The following USP25 variants were observed in gnomAD, a reference collection of about 807,000 sequenced individuals.
USP25 encodes the protein ubiquitin specific peptidase 25.
In USP25, 85 loss-of-function variants were observed where a neutral mutation model predicts 158.5. The observed-to-expected ratio is 0.54, with a 90% CI of 0.45 to 0.64. The LOEUF (loss-of-function observed/expected upper bound fraction) is 0.64, where lower values mean the gene tolerates loss of function less well. Ranked by LOEUF, USP25 falls within the 30% of genes least tolerant of loss-of-function variation. The probability of loss-of-function intolerance (pLI) is 0.00; values close to 1 mark genes in which losing one functional copy is unlikely to be tolerated. For missense variants in USP25, 1,242 were observed against 1,327.3 expected, an observed-to-expected ratio of 0.94 and a Z score of 1.00; for synonymous variants, 464 against 460.4, an observed-to-expected ratio of 1.01 and a Z score of -0.10.
chr21:15,730,474 T>A, intron 1 of USP25, 36 bp downstream of exon 1: 1 of 1,327,426 alleles, frequency 7.5e-7, no homozygotes, highest in Non-Finnish European at 9.7e-7. Flanking sequence ...GCCCCACTTC[T>A]CCTTCCGACG....
In USP25 at chr21:15,846,147, TATATA is replaced by T. The variant is rs1241782671; in HGVS notation, c.2338-1515_2338-1511del. ...GTATATATATATATATATATATATATATATATATATATTTTTTTTTTTTTTTTTTT... is the reference window on the plus strand; with the variant it reads ...GTATATATATATATATATATATATATTATATATTTTTTTTTTTTTTTTTTT... On this transcript the variant is annotated intron_variant, in intron 18 of 25. Transcript: ENST00000400183. Among the ~76,000 whole-genome samples, 84 of 69,384 alleles carry T rather than the reference TATATA, an allele frequency of 1.2e-3. 2 individuals carry two copies. The highest frequency in any genetic ancestry group is 6.3e-3 in the African/African-American group (77 of 12,278). The allele number at this position is 69,384 out of a possible 152,430, so 45.5% of individuals were successfully genotyped here. A position where few individuals can be genotyped will look rare whatever the true frequency, so the allele number is the denominator to read the frequency against.
chr21:15,824,868 G>T, intron 11 of USP25, 98 bp from the exon 12 acceptor site: 2 of 911,324 alleles, frequency 2.2e-6, no homozygotes, highest in Non-Finnish European at 3.4e-6. Flanking sequence ...CTCCCGCCTT[G>T]GCGTCCCAGA....
At chr21:15,850,219 A>C (rs1006367105) in intron 20 of USP25, among the ~76,000 whole-genome samples, 19 of 152,110 alleles carry the variant, frequency 1.2e-4, no homozygotes, top group South Asian at 8.3e-4. Context: ...GTAATAGTTT[A>C]TTTTATCTTC....
At chr21:15,859,475 G>A (rs548200508) in intron 20 of USP25, among the ~76,000 whole-genome samples, 14 of 152,198 alleles carry the variant, frequency 9.2e-5, no homozygotes, top group African/African-American at 2.2e-4. Flanking sequence ...GATTACAGGC[G>A]TGAGCCACTG....
intron 9 of USP25, among the ~76,000 whole-genome samples, chr21:15,814,521 A>G (rs2036837084): frequency 6.6e-6 from 1 of 152,156 alleles, no homozygotes; most frequent in Non-Finnish European, 1.5e-5. Flanking sequence ...AAATGCTGAT[A>G]GTGATATGAA....
chr21:15,737,237 G>A (rs1448129322), intron 1 of USP25, among the ~76,000 whole-genome samples: 1 of 151,936 alleles, frequency 6.6e-6, no homozygotes, highest in East Asian at 1.9e-4. Context: ...TTTTTGTAAT[G>A]CCAGTTCTGT....
chr21:15,856,797 T>C (rs972530077), intron 20 of USP25, among the ~76,000 whole-genome samples: 1 of 152,046 alleles, frequency 6.6e-6, no homozygotes, highest in Non-Finnish European at 1.5e-5. Flanking sequence ...TGCTTCTTTT[T>C]CTTGAGTTTA....
Position 15,843,425 on chromosome 21 carries a change from A to G in USP25, c.2337+885A>G, listed in dbSNP as rs1280972529. Among the ~76,000 whole-genome samples the G allele has an allele frequency of 1.3e-5, 2 of 152,220 alleles. No individual in the cohort carries two copies. The highest frequency in any genetic ancestry group is 2.9e-5 in the Non-Finnish European group (2 of 68,028). Reference sequence around the variant, plus strand: ...AACCTGCTAATTGCAATGAGGCCTTAAATATATAATAAGACTTCCTTTAGC... The same window carrying G: ...AACCTGCTAATTGCAATGAGGCCTTGAATATATAATAAGACTTCCTTTAGC... On this transcript the variant is annotated intron_variant, in intron 18 of 25. Coordinates refer to ENST00000400183, the MANE Select transcript of USP25 (RefSeq NM_001283041.3). The surrounding 1 kb of genome is among the most constrained non-coding windows in gnomAD (Gnocchi z 4.0).
intron 1 of USP25, among the ~76,000 whole-genome samples, chr21:15,750,216 T>TGTA (rs1568757063): frequency 0.012 from 101 of 8,558 alleles, no homozygotes; most frequent in African/African-American, 0.014. Flanking sequence ...GTGTGTATGT[T>TGTA]TTTTTTTTTT....
chr21:15,760,277 T>C (rs1452922306), intron 1 of USP25, among the ~76,000 whole-genome samples: 1 of 152,246 alleles, frequency 6.6e-6, no homozygotes, highest in Non-Finnish European at 1.5e-5. Context: ...AGACACCTTT[T>C]GTCCTTTGCC....
rs750626419 is a variant in USP25 at position 15,864,452 on chromosome 21, T to G, written c.2726+6T>G. 10 of 1,590,312 alleles carry G rather than the reference T, an allele frequency of 6.3e-6. No individual in the cohort carries two copies. In the South Asian group the frequency reaches 1.0e-4, roughly 17 times the overall value. ...AATTTGAGTTTTGATGAAAGGTAAT[T>G]TGAAAGTATAAAATTCATATGCTCA... is the stretch of plus-strand genomic sequence containing the variant. On this transcript the variant is annotated splice_donor_region_variant and intron_variant, in intron 21 of 25. Transcript: ENST00000400183.
intron 1 of USP25, among the ~76,000 whole-genome samples, chr21:15,740,588 T>G (rs2031943396): frequency 6.7e-6 from 1 of 150,186 alleles, no homozygotes; most frequent in Non-Finnish European, 1.5e-5. Context: ...GATTAAGGAG[T>G]TGGAAAGTGA....
intron 14 of USP25, among the ~76,000 whole-genome samples, chr21:15,829,183 AG>A (rs1306927306): frequency 2.0e-5 from 3 of 151,942 alleles, no homozygotes; most frequent in African/African-American, 7.3e-5. Context: ...TTTTATGTTC[AG>A]GGGTACATGT....
At position 15,843,400 on chromosome 21, in the gene USP25, A is replaced by G. The variant is rs1260414979; in HGVS notation, c.2337+860A>G. Among the ~76,000 whole-genome samples the G allele has an allele frequency of 6.6e-6, 1 of 152,172 alleles. No individual in the cohort carries two copies. The highest frequency in any genetic ancestry group is 1.5e-5 in the Non-Finnish European group (1 of 68,022). Reference sequence around the variant, plus strand: ...AGTAAGTGAATTCAGTGCCAGCAATAACCTGCTAATTGCAATGAGGCCTTA... The same window carrying G: ...AGTAAGTGAATTCAGTGCCAGCAATGACCTGCTAATTGCAATGAGGCCTTA... On this transcript the variant is annotated intron_variant, in intron 18 of 25. Coordinates refer to ENST00000400183, the MANE Select transcript of USP25 (RefSeq NM_001283041.3). The surrounding 1 kb of genome is among the most constrained non-coding windows in gnomAD (Gnocchi z 4.0).
chr21:15,866,417 G>T, intron 22 of USP25, 73 bp downstream of exon 22: 1 of 1,182,002 alleles, frequency 8.5e-7, no homozygotes, highest in Non-Finnish European at 1.1e-6. Context: ...TTTCGTTTCA[G>T]CCCAACTGAA....
At chr21:15,818,958 CAGAG>C (rs2037091475) in intron 10 of USP25, 112 bp downstream of exon 10, 3 of 1,280,652 alleles carry the variant, frequency 2.3e-6, no homozygotes, top group South Asian at 1.6e-5. Context: ...AGAGAATACT[CAGAG>C]AGTATGTTTG....
intron 5 of USP25, 35 bp downstream of exon 5, chr21:15,791,699 G>A (rs2035600283): frequency 1.3e-6 from 2 of 1,574,730 alleles, no homozygotes; most frequent in Non-Finnish European, 1.7e-6. Flanking sequence ...CTTATTTGAT[G>A]TGTGTGATAG....
At chr21:15,817,147 G>A (rs1164721540) in intron 9 of USP25, among the ~76,000 whole-genome samples, 1 of 148,470 alleles carries the variant, frequency 6.7e-6, no homozygotes, top group Non-Finnish European at 1.5e-5. Context: ...AAAATAAAAT[G>A]TCATCATCAT....
intron 1 of USP25, among the ~76,000 whole-genome samples, chr21:15,759,289 G>T (rs532159691): frequency 5.3e-5 from 8 of 152,192 alleles, no homozygotes; most frequent in African/African-American, 1.9e-4. Context: ...AATGAAAGTA[G>T]TATAAACCAA....
Sources: gnomAD v4.1 joint callset for allele counts (sites outside exome capture counted in the v4.1 genomes callset) on GRCh38, gnomAD v4.1.1 for gene constraint, Gnocchi (gnomAD v3.1) non-coding constraint, MANE v1.5 for transcripts, NCBI Gene and HGNC (gene_info 2026-07-23, HGNC 2026-07-21) for gene names.